Variants in SZT2 observed in about 807,000 individuals in gnomAD.
SZT2 encodes KICSTOR complex protein SZT2.
SZT2 carries 216 observed loss-of-function variants against 404.2 expected under a neutral mutation model. That is an observed-to-expected ratio of 0.53 (90% confidence interval 0.48 to 0.60). The LOEUF (loss-of-function observed/expected upper bound fraction) is 0.60. SZT2 is among the 20% of genes least tolerant of loss of function. The pLI is 0.00. For missense variants in SZT2, 3,857 were observed against 4,459.2 expected, an observed-to-expected ratio of 0.86 and a Z score of 3.85; for synonymous variants, 1,693 against 1,749.9, an observed-to-expected ratio of 0.97 and a Z score of 0.81.
Position 43,440,475 on chromosome 1 carries a change from G to A in SZT2, c.7233G>A (p.Leu2411=). The change falls in exon 52 of 72, where the codon TTG becomes TTA. Residue 2411 remains leucine (L), a synonymous_variant. Transcript: ENST00000634258. ...TPTGSLRNGS[L]ETKSSAGRAS... Reference sequence around the variant, plus strand: ...CAGGAAGTCTCAGGAACGGATCGTTGGAAACTAAGAGCTCTGCAGGCCGAG... The same window carrying A: ...CAGGAAGTCTCAGGAACGGATCGTTAGAAACTAAGAGCTCTGCAGGCCGAG... The A allele has an allele frequency of 6.2e-7, 1 of 1,602,066 alleles. No individual in the cohort carries two copies. The highest frequency in any genetic ancestry group is 2.3e-5 in the East Asian group (1 of 43,784).
In SZT2 at chr1:43,441,140, C is replaced by A; in HGVS notation, c.7345-74C>A. 6.5e-7 allele frequency: 1 copy of A among 1,544,660 alleles called. No homozygotes were observed. On this transcript the variant is annotated intron_variant, in intron 52 of 71. Coordinates refer to ENST00000634258, the MANE Select transcript of SZT2 (RefSeq NM_001365999.1). This position sits in a 1 kb window ranked among gnomAD's most constrained non-coding sequence, Gnocchi z 4.8. ...ACCTCTGAATCCTCCTAGCTCACTGCTGTTCCATAGTGCCCCCATCCCACA... is the reference window on the plus strand; with the variant it reads ...ACCTCTGAATCCTCCTAGCTCACTGATGTTCCATAGTGCCCCCATCCCACA...
chr1:43,419,276 G>A lies in SZT2; in HGVS notation c.880-458G>A, dbSNP rs770912564. ...GTAGTTTGCTAATTTCCCACCTACAGCTATTGTATTCAAAATGTAGTCCAC... is the reference window on the plus strand; with the variant it reads ...GTAGTTTGCTAATTTCCCACCTACAACTATTGTATTCAAAATGTAGTCCAC... On this transcript the variant is annotated intron_variant, in intron 7 of 71. Transcript: ENST00000634258. Among the ~76,000 whole-genome samples the A allele has an allele frequency of 5.9e-5, 9 of 152,366 alleles. No individual in the cohort carries two copies. In the East Asian group the frequency reaches 9.6e-4, roughly 16 times the overall value.
intron 28 of SZT2, chr1:43,428,934 A>G: frequency 5.2e-6 from 1 of 191,210 alleles, no homozygotes; most frequent in Non-Finnish European, 1.1e-5. Flanking sequence ...GGAGAAAGGC[A>G]AGCAGGCAGA....
At position 43,453,494 on chromosome 1, in the gene SZT2, T is replaced by G. The variant is rs1445755309; in HGVS notation, c.*3014T>G. 1.3e-5 allele frequency: 20 copies of G among 1,552,496 alleles called. No individual in the cohort carries two copies. The highest frequency in any genetic ancestry group is 1.7e-5 in the Non-Finnish European group (20 of 1,147,298). ...CAGCCCCATTTCCCCCTTCTCTTGG[T>G]CTCCTGCAGAGAGAACGGGCCTCAG... is the stretch of plus-strand genomic sequence containing the variant. On this transcript the variant is annotated 3_prime_UTR_variant, in exon 72 of 72. Transcript: ENST00000634258.
rs1294189184 is a variant in SZT2 at position 43,425,672 on chromosome 1, T to A, written c.2814+30T>A. The A allele has an allele frequency of 6.2e-7, 1 of 1,610,268 alleles. No homozygotes were observed. Among genetic ancestry groups the A allele is most frequent in the Non-Finnish European group, 8.5e-7 (1 of 1,177,798 alleles). On this transcript the variant is annotated intron_variant, in intron 19 of 71. Coordinates refer to ENST00000634258, the MANE Select transcript of SZT2 (RefSeq NM_001365999.1). The surrounding 1 kb of genome is among the most constrained non-coding windows in gnomAD (Gnocchi z 4.3). ...GTGTCCTCAGAACAGTACCCGCACC[T>A]CTCTCACTGGATTGGGGTGCCATCT...
intron 1 of SZT2, among the ~76,000 whole-genome samples, chr1:43,399,131 C>G (rs2153928658): frequency 6.6e-6 from 1 of 152,182 alleles, no homozygotes; most frequent in East Asian, 1.9e-4. Context: ...TCCAATGCTA[C>G]TTTAATCATC....
In SZT2 at chr1:43,408,158, C is replaced by T. The variant is rs571298742; in HGVS notation, c.498+3608C>T. 4.9e-4 allele frequency among the ~76,000 whole-genome samples: 75 copies of T among 151,990 alleles called. 1 individual carries two copies. The South Asian group carries it at 0.014, about 28-fold the overall frequency. On this transcript the variant is annotated intron_variant, in intron 4 of 71. Transcript: ENST00000634258. ...AAATTCTAACATTTTATGGAACTTT[C>T]TTCTAATTTTGTGAGTGTGTCTTTA...
chr1:43,404,467 C>G lies in SZT2; in HGVS notation c.415C>G (p.Pro139Ala). ...LGGLLRPFRV[P>A]GSCIDFQPEI... Reference sequence around the variant, plus strand: ...CGGGCTGCTTCGGCCCTTCCGAGTGCCTGGATCTTGCATCGACTTCCAGCC... The same window carrying G: ...CGGGCTGCTTCGGCCCTTCCGAGTGGCTGGATCTTGCATCGACTTCCAGCC... Residue 139 changes from proline (P) to alanine (A), a missense_variant, in exon 4 of 72, where the codon CCT becomes GCT. Transcript: ENST00000634258. The G allele has an allele frequency of 6.2e-7, 1 of 1,614,066 alleles. No individual in the cohort carries two copies. Among genetic ancestry groups the G allele is most frequent in the Middle Eastern group, 1.6e-4 (1 of 6,062 alleles).
intron 59 of SZT2, 29 bp downstream of exon 59, chr1:43,443,115 C>T (rs1273070065): frequency 3.1e-6 from 5 of 1,612,006 alleles, no homozygotes. Context: ...GCAGCAGGGA[C>T]AGGAAATCTG....
Position 43,439,900 on chromosome 1 carries a change from G to A in SZT2, c.7062G>A (p.Arg2354=). Residue 2354 remains arginine (R), a synonymous_variant, in exon 51 of 72, where the codon CGG becomes CGA. Transcript: ENST00000634258. The surrounding 1 kb of genome is among the most constrained non-coding windows in gnomAD (Gnocchi z 4.2). ...DSSSAQNGAP[R]LRLDVWEKGN... ...TTCCAGCTCAGAATGGGGCCCCACG[G>A]CTTCGATTGGATGTGTGGGAAAAGG... is the stretch of plus-strand genomic sequence containing the variant. 1 of 1,602,056 alleles carries A rather than the reference G, an allele frequency of 6.2e-7. No individual in the cohort carries two copies. The highest frequency in any genetic ancestry group is 8.5e-7 in the Non-Finnish European group (1 of 1,173,628).
Position 43,393,439 on chromosome 1 carries a change from T to C in SZT2, c.27+3444T>C, listed in dbSNP as rs72881971. On this transcript the variant is annotated intron_variant, in intron 1 of 71. Transcript: ENST00000634258. ...TCTGCCAAAACTATATAGTTAATAA[T>C]CAGCAGAGCAAGCATTTGATCCTAA... Among the ~76,000 whole-genome samples the C allele has an allele frequency of 7.1e-3, 1,082 of 152,306 alleles. 10 individuals are homozygous for C. Among genetic ancestry groups the C allele is most frequent in the African/African-American group, 0.025 (1,028 of 41,552 alleles).
rs779541549 is a variant in SZT2, at chr1:43,447,706, TGA to T, written c.9440+12_9440+13del. The T allele has an allele frequency of 5.0e-6, 8 of 1,613,254 alleles. No individual in the cohort carries two copies. In the African/African-American group the frequency reaches 6.7e-5, roughly 13 times the overall value. On this transcript the variant is annotated intron_variant, in intron 67 of 71. Coordinates refer to ENST00000634258, the MANE Select transcript of SZT2 (RefSeq NM_001365999.1). ...GGTGTCGGCATGGCACAGGTAAGGC[TGA>T]GAGGGGCATCCAGCATGCACGCTGC... is the stretch of plus-strand genomic sequence containing the variant.
rs781588851 is a variant in SZT2, at chr1:43,425,091, A to G, written c.2551-22A>G. ...CTCTGCCTTGGCTGGGATTTGCCCA[A>G]GATCTCCCATTTTGCCCACAGAATG... is the stretch of plus-strand genomic sequence containing the variant. On this transcript the variant is annotated intron_variant, in intron 17 of 71. Transcript: ENST00000634258. This position sits in a 1 kb window ranked among gnomAD's most constrained non-coding sequence, Gnocchi z 4.3. 2.5e-6 allele frequency: 4 copies of G among 1,613,940 alleles called. No individual in the cohort carries two copies. Among genetic ancestry groups the G allele is most frequent in the Non-Finnish European group, 3.4e-6 (4 of 1,179,792 alleles).
chr1:43,448,152 C>G lies in SZT2; in HGVS notation c.9637C>G (p.Arg3213Gly). ...PRLTADMRRF[R>G]KPPRLPPEPE... ...GCTCACTGCTGACATGCGCCGCTTC[C>G]GGAAGCCACCCAGACTGCCCCCTGA... Residue 3213 changes from arginine to glycine, a missense_variant, in exon 69 of 72, where the codon CGG becomes GGG. Arg to Gly is a moderately radical substitution (Grantham distance 125). Transcript: ENST00000634258. This position sits in a 1 kb window ranked among gnomAD's most constrained non-coding sequence, Gnocchi z 4.2. 2 of 1,610,512 alleles carry G rather than the reference C, an allele frequency of 1.2e-6. No individual in the cohort carries two copies. The highest frequency in any genetic ancestry group is 1.7e-6 in the Non-Finnish European group (2 of 1,177,750).
rs901197875 is a variant in SZT2 at position 43,441,109 on chromosome 1, A to ACCCAGACCTCTGAAT, written c.7345-102_7345-88dup. 7.0e-6 allele frequency: 10 copies of ACCCAGACCTCTGAAT among 1,435,406 alleles called. No individual in the cohort carries two copies. The African/African-American group carries it at 1.4e-4, about 20-fold the overall frequency. The allele number at this position is 1,435,406 out of a possible 1,614,324, so 88.9% of individuals were successfully genotyped here. A position where few individuals can be genotyped will look rare whatever the true frequency, so the allele number is the denominator to read the frequency against. On this transcript the variant is annotated intron_variant, in intron 52 of 71. Coordinates refer to ENST00000634258, the MANE Select transcript of SZT2 (RefSeq NM_001365999.1). This position sits in a 1 kb window ranked among gnomAD's most constrained non-coding sequence, Gnocchi z 4.8. ...AGCCCCTGGGGAAGCCAGGGTCTGA[A>ACCCAGACCTCTGAAT]CCCAGACCTCTGAATCCTCCTAGCT...
In SZT2 at chr1:43,425,295, T is replaced by C; in HGVS notation, c.2645+88T>C. 1 of 1,549,870 alleles carries C rather than the reference T, an allele frequency of 6.5e-7. No individual in the cohort carries two copies. The highest frequency in any genetic ancestry group is 1.2e-5 in the South Asian group (1 of 85,432). On this transcript the variant is annotated intron_variant, in intron 18 of 71. Coordinates refer to ENST00000634258, the MANE Select transcript of SZT2 (RefSeq NM_001365999.1). This position sits in a 1 kb window ranked among gnomAD's most constrained non-coding sequence, Gnocchi z 4.3. ...GAGGTCTGGCTCCCATATCCTGAGATGATCTTGATCCCAAAGTCAGGGAGG... is the reference window on the plus strand; with the variant it reads ...GAGGTCTGGCTCCCATATCCTGAGACGATCTTGATCCCAAAGTCAGGGAGG...
chr1:43,415,199 G>T lies in SZT2; in HGVS notation c.616G>T (p.Asp206Tyr). Residue 206 changes from aspartate to tyrosine, a missense_variant, in exon 5 of 72, where the codon GAT becomes TAT. Physicochemically the swap from Asp to Tyr is radical, Grantham distance 160 (BLOSUM62 -3). Transcript: ENST00000634258. ...KVATMLQQQY[D>Y]PQSQAEDQSP... ...GGCCACCATGCTGCAGCAGCAGTAC[G>T]ATCCCCAGAGCCAGGTATGTAAGAG... is the stretch of plus-strand genomic sequence containing the variant. 1 of 1,597,830 alleles carries T rather than the reference G, an allele frequency of 6.3e-7. No homozygotes were observed. The highest frequency in any genetic ancestry group is 8.5e-7 in the Non-Finnish European group (1 of 1,179,520).
In SZT2 at chr1:43,440,038, CA is replaced by C; in HGVS notation, c.7201del (p.Thr2401HisfsTer33). 2 of 1,613,984 alleles carry C rather than the reference CA, an allele frequency of 1.2e-6. No homozygotes were observed. The highest frequency in any genetic ancestry group is 1.7e-6 in the Non-Finnish European group (2 of 1,179,922). On this transcript the variant is annotated frameshift_variant, in exon 51 of 72. Transcript: ENST00000634258. LOFTEE classifies it high-confidence loss of function. ...LLPASLCTED[T>X]PTGSLRNGSL... is the part of the protein sequence containing the mutation. ...TGCCAGCTTCACTATGTACAGAGGA[CA>C]CACCCACAGGTATGCAAGTCAAGAG... is the stretch of plus-strand genomic sequence containing the variant.
chr1:43,453,448 C>T lies in SZT2; in HGVS notation c.*2968C>T. 2 of 1,564,710 alleles carry T rather than the reference C, an allele frequency of 1.3e-6. No homozygotes were observed. Among genetic ancestry groups the T allele is most frequent in the Non-Finnish European group, 1.7e-6 (2 of 1,153,470 alleles). On this transcript the variant is annotated 3_prime_UTR_variant, in exon 72 of 72. Transcript: ENST00000634258. Reference sequence around the variant, plus strand: ...GCTCCAGTCCCTCTCGGAAGGCCGCCTGTCTCCCGGGGACGGCCCCCAGCC... The same window carrying T: ...GCTCCAGTCCCTCTCGGAAGGCCGCTTGTCTCCCGGGGACGGCCCCCAGCC...
Sources: allele counts gnomAD v4.1 joint callset (sites outside exome capture counted in the v4.1 genomes callset), GRCh38; gene constraint gnomAD v4.1.1; non-coding constraint Gnocchi (gnomAD v3.1); transcripts MANE v1.5; gene names NCBI Gene and HGNC (gene_info 2026-07-23, HGNC 2026-07-21).